Variants in SLC30A9 observed in about 807,000 individuals in gnomAD.
SLC30A9 encodes the protein proton-coupled zinc antiporter SLC30A9, mitochondrial.
In SLC30A9, 58 loss-of-function variants were observed where a neutral mutation model predicts 87.5. The ratio of observed to expected loss-of-function variants is 0.66; its 90% CI spans 0.54 to 0.82. The LOEUF (loss-of-function observed/expected upper bound fraction) is 0.82. Among genes scored for constraint, SLC30A9 ranks in the 40% least tolerant of loss-of-function variants. The pLI, the probability that SLC30A9 is intolerant of heterozygous loss-of-function variation, is 0.00. For synonymous variants in SLC30A9, 234 were observed against 233.0 expected (o/e 1.00, Z -0.04); for missense variants, 557 against 679.1 (o/e 0.82, Z 2.00).
chr4:42,005,186 T>G (rs2660325), intron 2 of SLC30A9, among the ~76,000 whole-genome samples: 98,453 of 151,996 alleles, frequency 0.65, 36,009 homozygotes, highest in East Asian at 0.96. Context: ...CTGTGAGTTC[T>G]TCATTTTCCA....
At chr4:42,032,733 A>G (rs769135386) in intron 6 of SLC30A9, among the ~76,000 whole-genome samples, 2 of 152,220 alleles carry the variant, frequency 1.3e-5, no homozygotes, top group Non-Finnish European at 2.9e-5. Context: ...ATGTTGGTCA[A>G]TGGAAGCACC....
Position 42,078,358 on chromosome 4 carries a change from A to G in SLC30A9, c.1662+33A>G, listed in dbSNP as rs1252643461. 5 of 1,131,386 alleles carry G rather than the reference A, an allele frequency of 4.4e-6. No individual in the cohort carries two copies. The East Asian group carries it at 1.2e-4, about 27-fold the overall frequency. The allele number at this position is 1,131,386 out of a possible 1,614,324, so 70.1% of individuals were successfully genotyped here. On this transcript the variant is annotated intron_variant, in intron 17 of 17. Coordinates refer to ENST00000264451, the MANE Select transcript of SLC30A9 (RefSeq NM_006345.4). The stretch of plus-strand genomic sequence containing the variant: ...GTATTCATAAAAATAACATAATGAT[A>G]ATGGCAGCTATTTTTTTGAGTACTT...
chr4:42,045,086 C>G (rs191426063), intron 8 of SLC30A9, among the ~76,000 whole-genome samples: 5 of 152,254 alleles, frequency 3.3e-5, no homozygotes, highest in African/African-American at 1.2e-4. Flanking sequence ...ATTTATAGCA[C>G]TAAATACCCA....
chr4:42,039,051 C>T lies in SLC30A9; in HGVS notation c.735C>T (p.Cys245=). The T allele has an allele frequency of 6.2e-7, 1 of 1,601,800 alleles. No homozygotes were observed. The highest frequency in any genetic ancestry group is 8.6e-7 in the Non-Finnish European group (1 of 1,168,952). ...GPGKVVMVAI[C]INGLNCFFKF... The stretch of plus-strand genomic sequence containing the variant: ...GAAAAGTGGTGATGGTTGCAATTTG[C>T]ATGTAAGTACTGAAAAATAAGCTTT... Residue 245 remains cysteine, a splice_region_variant and synonymous_variant, in exon 8 of 18, where the codon TGC becomes TGT. Transcript: ENST00000264451.
intron 2 of SLC30A9, among the ~76,000 whole-genome samples, chr4:42,008,742 T>C (rs913001112): frequency 6.6e-6 from 1 of 152,246 alleles, no homozygotes; most frequent in Non-Finnish European, 1.5e-5. Context: ...CAAGACCATT[T>C]TTCCTTTAGT....
chr4:42,028,112 AT>A (rs1351169678), intron 6 of SLC30A9, among the ~76,000 whole-genome samples: 1 of 152,104 alleles, frequency 6.6e-6, no homozygotes, highest in Non-Finnish European at 1.5e-5. Context: ...ACAGGCAAGA[AT>A]TTATTTTATT....
chr4:42,031,985 A>G (rs57544372), intron 6 of SLC30A9, among the ~76,000 whole-genome samples: 4,611 of 152,266 alleles, frequency 0.03, 109 homozygotes, highest in African/African-American at 0.057. Flanking sequence ...TGCAGGCTGT[A>G]TAGAAAGCAT....
At chr4:42,029,530 G>T in intron 6 of SLC30A9, 1 of 679,014 alleles carries the variant, frequency 1.5e-6, no homozygotes, top group East Asian at 2.6e-5. Context: ...GCTGAACGTA[G>T]TTAGGTTCCT....
At chr4:42,000,262 T>C (rs1037198705) in intron 1 of SLC30A9, among the ~76,000 whole-genome samples, 1 of 152,126 alleles carries the variant, frequency 6.6e-6, no homozygotes, top group Admixed American at 6.5e-5. Context: ...ATATTGTCTT[T>C]GTCAGGTAAT....
intron 1 of SLC30A9, among the ~76,000 whole-genome samples, chr4:41,999,383 C>G (rs1319398981): frequency 6.6e-6 from 1 of 152,110 alleles, no homozygotes; most frequent in East Asian, 1.9e-4. Context: ...TTTGTAACCA[C>G]CTAATGAATA....
chr4:42,075,552 G>A (rs1399166398), intron 15 of SLC30A9, 105 bp from the exon 16 acceptor site: 15 of 1,021,152 alleles, frequency 1.5e-5, no homozygotes, highest in East Asian at 2.7e-5. Flanking sequence ...GTCCATTCTC[G>A]TAACTAGTGG....
In SLC30A9 at chr4:42,043,982, GA is replaced by G. The variant is rs1369929009; in HGVS notation, c.737+4931del. ...TCCAGCCAAACTAAGCTTCATAAGC[GA>G]AGGAGAAGAAAAGACAAGCAAATAT... On this transcript the variant is annotated intron_variant, in intron 8 of 17. Coordinates refer to ENST00000264451, the MANE Select transcript of SLC30A9 (RefSeq NM_006345.4). Among the ~76,000 whole-genome samples the G allele has an allele frequency of 2.0e-5, 3 of 151,950 alleles. No homozygotes were observed. The East Asian group carries it at 5.8e-4, about 29-fold the overall frequency.
chr4:42,082,611 G>T (rs1718781511), intron 17 of SLC30A9, among the ~76,000 whole-genome samples: 1 of 152,206 alleles, frequency 6.6e-6, no homozygotes, highest in Non-Finnish European at 1.5e-5. Flanking sequence ...ACTTTGGGAG[G>T]CCAAGGCGGG....
At chr4:42,011,598 G>C (rs996897380) in intron 2 of SLC30A9, among the ~76,000 whole-genome samples, 2 of 152,100 alleles carry the variant, frequency 1.3e-5, no homozygotes, top group African/African-American at 4.8e-5. Context: ...CCCTATTCAG[G>C]GTAAGATGGT....
Position 42,029,650 on chromosome 4 carries a change from C to T in SLC30A9, c.611-5625C>T, listed in dbSNP as rs3804188. 1.9e-3 allele frequency: 1,181 copies of T among 612,348 alleles called. 11 individuals carry two copies. The African/African-American group carries it at 0.039, about 20-fold the overall frequency. The allele number at this position is 612,348 out of a possible 1,614,324, so 37.9% of individuals were successfully genotyped here. A position where few individuals can be genotyped will look rare whatever the true frequency, so the allele number is the denominator to read the frequency against. On this transcript the variant is annotated intron_variant, in intron 6 of 17. Coordinates refer to ENST00000264451, the MANE Select transcript of SLC30A9 (RefSeq NM_006345.4). ...AGACTTTAATCAAGAATGAGGTGAG[C>T]GAAAGTCTGCAGATTCAAGCTTGAG...
intron 7 of SLC30A9, among the ~76,000 whole-genome samples, chr4:42,036,089 A>G (rs182981519): frequency 6.6e-6 from 1 of 152,142 alleles, no homozygotes; most frequent in Non-Finnish European, 1.5e-5. Context: ...AAATCAATGG[A>G]TACTCAATAT....
chr4:42,082,910 A>C (rs1718794324), intron 17 of SLC30A9, among the ~76,000 whole-genome samples: 1 of 152,126 alleles, frequency 6.6e-6, no homozygotes, highest in Admixed American at 6.5e-5. Context: ...TAAAAATAAT[A>C]GAGACTAATT....
At chr4:42,032,368 T>G (rs1207139628) in intron 6 of SLC30A9, among the ~76,000 whole-genome samples, 3 of 152,214 alleles carry the variant, frequency 2.0e-5, no homozygotes, top group African/African-American at 7.2e-5. Flanking sequence ...TTTATTTATT[T>G]TTGTTATTAG....
intron 6 of SLC30A9, chr4:42,029,683 G>A: frequency 1.3e-6 from 1 of 753,606 alleles, no homozygotes; most frequent in Non-Finnish European, 2.5e-6. Context: ...GAGTGGCTGG[G>A]AAATTGCTCT....
Sources: allele counts gnomAD v4.1 joint callset (sites outside exome capture counted in the v4.1 genomes callset), GRCh38; gene constraint gnomAD v4.1.1; transcripts MANE v1.5; gene names NCBI Gene and HGNC (gene_info 2026-07-23, HGNC 2026-07-21).